ZBTB20: variants seen among roughly 807,000 people sequenced by gnomAD.
The protein encoded by ZBTB20 is zinc finger and BTB domain-containing protein 20.
ZBTB20 carries 9 observed loss-of-function variants against 56.9 expected under a neutral mutation model. That is an observed-to-expected ratio of 0.16 (90% CI 0.10 to 0.28). The LOEUF (loss-of-function observed/expected upper bound fraction) is 0.28. Among genes scored for constraint, ZBTB20 ranks in the 10% least tolerant of loss-of-function variants. The pLI is 1.00. For synonymous variants in ZBTB20, 417 were observed against 420.7 expected (o/e 0.99, Z 0.11); for missense variants, 655 against 1,003.0 (o/e 0.65, Z 4.69).
chr3:114,940,585 A>G (rs1274914384), intron 3 of ZBTB20, among the ~76,000 whole-genome samples: 1 of 146,300 alleles, frequency 6.8e-6, no homozygotes, highest in Non-Finnish European at 1.5e-5. Flanking sequence ...CTTCTTATTC[A>G]GCTTATGCAT....
chr3:114,987,247 C>A (rs941365468), intron 2 of ZBTB20, among the ~76,000 whole-genome samples: 1 of 152,076 alleles, frequency 6.6e-6, no homozygotes, highest in Non-Finnish European at 1.5e-5. Flanking sequence ...GTTGAAATAT[C>A]CATTTTAAAT....
At chr3:114,451,923 C>G (rs564205851) in intron 7 of ZBTB20, among the ~76,000 whole-genome samples, 2 of 152,148 alleles carry the variant, frequency 1.3e-5, no homozygotes, top group East Asian at 3.9e-4. Flanking sequence ...TGTCACTGTA[C>G]TCTTGGCGGC....
chr3:115,128,989 T>C (rs1033990118), intron 1 of ZBTB20, among the ~76,000 whole-genome samples: 4 of 151,598 alleles, frequency 2.6e-5, no homozygotes, highest in African/African-American at 7.3e-5. Flanking sequence ...GTCCCAGCTA[T>C]TTGGGAGGCT....
chr3:114,583,574 G>A (rs1439251042), intron 6 of ZBTB20, among the ~76,000 whole-genome samples: 1 of 151,946 alleles, frequency 6.6e-6, no homozygotes, highest in Non-Finnish European at 1.5e-5. Flanking sequence ...ACTTATTAAA[G>A]AAACAGATTC....
At chr3:114,571,358 TA>T (rs1436025929) in intron 6 of ZBTB20, among the ~76,000 whole-genome samples, 2 of 152,200 alleles carry the variant, frequency 1.3e-5, no homozygotes, top group Non-Finnish European at 1.5e-5. Flanking sequence ...ACTATTGTTC[TA>T]AAATTCAAGC....
intron 5 of ZBTB20, among the ~76,000 whole-genome samples, chr3:114,728,829 A>G (rs919646289): frequency 6.6e-6 from 1 of 152,350 alleles, no homozygotes; most frequent in South Asian, 2.1e-4. Context: ...AATTTCTCTA[A>G]TGATCAGTGA....
At chr3:114,481,212 A>AGG (rs368990694) in intron 7 of ZBTB20, among the ~76,000 whole-genome samples, 5 of 151,748 alleles carry the variant, frequency 3.3e-5, no homozygotes, top group African/African-American at 9.7e-5. Context: ...CCAAGTCTTT[A>AGG]GGTCAAGACT....
intron 6 of ZBTB20, chr3:114,502,910 T>TG (rs2044172075): frequency 1.3e-5 from 2 of 152,152 alleles, no homozygotes; most frequent in South Asian, 4.1e-4. Flanking sequence ...CTATGAAATA[T>TG]GTTCAATGAT....
At chr3:114,634,204 A>ATT (rs2059129590) in intron 6 of ZBTB20, among the ~76,000 whole-genome samples, 1 of 152,204 alleles carries the variant, frequency 6.6e-6, no homozygotes, top group Non-Finnish European at 1.5e-5. Context: ...TACTAAAAAT[A>ATT]TTACAAGTTT....
intron 2 of ZBTB20, among the ~76,000 whole-genome samples, chr3:114,980,047 A>G (rs2078267961): frequency 6.6e-6 from 1 of 152,008 alleles, no homozygotes; most frequent in South Asian, 2.1e-4. Flanking sequence ...AAATAGGGGG[A>G]AAAAGTACAG....
In ZBTB20 at chr3:114,324,403, G is replaced by A. The variant is rs936725706; in HGVS notation, c.*14602C>T. On this transcript the variant is annotated 3_prime_UTR_variant, in exon 12 of 12. Transcript: ENST00000675478. ...ATCAGCTATTCCTCAAGGGCTACAGGCAGCAGCCACCTAACATAACATAAA... is the reference window on the plus strand; with the variant it reads ...ATCAGCTATTCCTCAAGGGCTACAGACAGCAGCCACCTAACATAACATAAA... The A allele has an allele frequency of 4.6e-5, 7 of 152,102 alleles. No individual in the cohort carries two copies. The highest frequency in any genetic ancestry group is 1.0e-4 in the Non-Finnish European group (7 of 68,028). The allele number at this position is 152,102 out of a possible 1,614,324, so 9.4% of individuals were successfully genotyped here. A position where few individuals can be genotyped will look rare whatever the true frequency, so the allele number is the denominator to read the frequency against.
chr3:115,136,041 GATAAT>G (rs1485229415), intron 1 of ZBTB20, among the ~76,000 whole-genome samples: 1 of 151,972 alleles, frequency 6.6e-6, no homozygotes, highest in South Asian at 2.1e-4. Flanking sequence ...TAAATCAGCA[GATAAT>G]ATAATTCTGT....
chr3:114,336,114 A>G lies in ZBTB20; in HGVS notation c.*2891T>C, dbSNP rs932653809. On this transcript the variant is annotated 3_prime_UTR_variant, in exon 12 of 12. Transcript: ENST00000675478. ...AAGACACTTTCAAATCTACTGTGAA[A>G]CAGTTTAAAATATTTTAAAGTGGCT... The G allele has an allele frequency of 6.6e-6, 1 of 152,208 alleles. No individual in the cohort carries two copies. Among genetic ancestry groups the G allele is most frequent in the Non-Finnish European group, 1.5e-5 (1 of 68,020 alleles). The allele number at this position is 152,208 out of a possible 1,614,324, so 9.4% of individuals were successfully genotyped here.
At chr3:114,892,999 T>G (rs764345390) in intron 4 of ZBTB20, among the ~76,000 whole-genome samples, 12 of 152,228 alleles carry the variant, frequency 7.9e-5, no homozygotes, top group Non-Finnish European at 1.8e-4. Context: ...TATGGATACC[T>G]TGAAACAGCC....
At position 114,369,155 on chromosome 3, in the gene ZBTB20, C is replaced by T. The variant is rs1980353; in HGVS notation, c.199+11062G>A. Among the ~76,000 whole-genome samples the T allele has an allele frequency of 4.9e-3, 752 of 152,156 alleles. 3 individuals are homozygous for T. The highest frequency in any genetic ancestry group is 0.017 in the African/African-American group (699 of 41,476). ...TAATCAGTGATTATATAGGGAAGAA[C>T]GTGATTACAGTAAAAAATTGAAGGA... On this transcript the variant is annotated intron_variant, in intron 10 of 11. Transcript: ENST00000675478.
intron 4 of ZBTB20, among the ~76,000 whole-genome samples, chr3:114,842,515 C>T (rs2074426702): frequency 6.6e-6 from 1 of 152,096 alleles, no homozygotes; most frequent in Non-Finnish European, 1.5e-5. Context: ...CTTCACGGAG[C>T]TTACACAGTA....
At chr3:115,026,347 C>G (rs1457171463) in intron 2 of ZBTB20, among the ~76,000 whole-genome samples, 1 of 150,940 alleles carries the variant, frequency 6.6e-6, no homozygotes, top group Non-Finnish European at 1.5e-5. Context: ...ATATAAATAC[C>G]TTATTTGCTT....
At chr3:114,676,486 C>T (rs575546455) in intron 6 of ZBTB20, among the ~76,000 whole-genome samples, 1 of 152,074 alleles carries the variant, frequency 6.6e-6, no homozygotes, top group African/African-American at 2.4e-5. Flanking sequence ...AATAGAATCC[C>T]TTTTTCCAAT....
At chr3:115,073,064 A>T (rs566365853) in intron 1 of ZBTB20, among the ~76,000 whole-genome samples, 1 of 152,328 alleles carries the variant, frequency 6.6e-6, no homozygotes, top group African/African-American at 2.4e-5. Flanking sequence ...TTTCTATAAC[A>T]GGAGTAACAA....
Sources: gnomAD v4.1 joint callset for allele counts (sites outside exome capture counted in the v4.1 genomes callset) on GRCh38, gnomAD v4.1.1 for gene constraint, MANE v1.5 for transcripts, NCBI Gene and HGNC (gene_info 2026-07-23, HGNC 2026-07-21) for gene names.